Variants in NRXN1 observed in about 807,000 individuals in gnomAD.
NRXN1 encodes the protein neurexin-1.
A neutral mutation model predicts 150.9 loss-of-function variants in NRXN1; 39 were observed. The ratio of observed to expected loss-of-function variants is 0.26; its 90% CI spans 0.20 to 0.34. The LOEUF (loss-of-function observed/expected upper bound fraction) is 0.34, where lower values mean the gene tolerates loss of function less well. Among genes scored for constraint, NRXN1 ranks in the 10% least tolerant of loss-of-function variants. The pLI is 1.00. For synonymous variants in NRXN1, 924 were observed against 757.0 expected, an observed-to-expected ratio of 1.22 and a Z score of -3.62; for missense variants, 1,815 against 1,949.9, an observed-to-expected ratio of 0.93 and a Z score of 1.30.
chr2:50,584,884 G>A (rs987002313), intron 8 of NRXN1, among the ~76,000 whole-genome samples: 1 of 152,188 alleles, frequency 6.6e-6, no homozygotes, highest in Non-Finnish European at 1.5e-5. Context: ...GAAGGTAAAT[G>A]TATCCCATAC....
chr2:50,644,310 A>G (rs1170440327), intron 5 of NRXN1, among the ~76,000 whole-genome samples: 1 of 151,824 alleles, frequency 6.6e-6, no homozygotes, highest in Non-Finnish European at 1.5e-5. Flanking sequence ...TTTATTCTTT[A>G]TATTATTTTT....
At chr2:49,969,876 A>T (rs763656868) in intron 21 of NRXN1, 9 of 152,140 alleles carry the variant, frequency 5.9e-5, no homozygotes, top group Non-Finnish European at 1.0e-4. Flanking sequence ...TAGGCTGTGA[A>T]CTTATGTAAT....
chr2:50,809,502 G>A (rs559600762), intron 5 of NRXN1, among the ~76,000 whole-genome samples: 1 of 152,000 alleles, frequency 6.6e-6, no homozygotes, highest in Non-Finnish European at 1.5e-5. Flanking sequence ...AAATGCTTTT[G>A]TCTTTAATTT....
chr2:50,749,878 C>A (rs1479342920), intron 5 of NRXN1, among the ~76,000 whole-genome samples: 1 of 152,040 alleles, frequency 6.6e-6, no homozygotes, highest in Non-Finnish European at 1.5e-5. Flanking sequence ...ATGGAGATAT[C>A]TTAACTACCC....
At chr2:50,706,687 T>C (rs899556237) in intron 5 of NRXN1, among the ~76,000 whole-genome samples, 9 of 152,128 alleles carry the variant, frequency 5.9e-5, no homozygotes, top group African/African-American at 1.9e-4. Context: ...AACATGTCAA[T>C]TTCATAAGAA....
intron 5 of NRXN1, among the ~76,000 whole-genome samples, chr2:50,628,341 T>C (rs937304095): frequency 5.3e-5 from 8 of 151,728 alleles, no homozygotes; most frequent in African/African-American, 1.9e-4. Context: ...CAAATTTAAG[T>C]AATTCAAATT....
intron 2 of NRXN1, among the ~76,000 whole-genome samples, chr2:50,953,750 G>A (rs1196219303): frequency 5.3e-5 from 8 of 151,802 alleles, no homozygotes; most frequent in Non-Finnish European, 7.4e-5. Flanking sequence ...TAGTAGAGAC[G>A]AAATTTCACC....
intron 5 of NRXN1, among the ~76,000 whole-genome samples, chr2:50,882,072 A>G (rs1394070729): frequency 6.6e-6 from 1 of 151,920 alleles, no homozygotes; most frequent in Non-Finnish European, 1.5e-5. Context: ...AAAAGGATAT[A>G]TTGTCAAAAC....
At chr2:50,249,542 G>A (rs1429329948) in intron 17 of NRXN1, among the ~76,000 whole-genome samples, 1 of 151,918 alleles carries the variant, frequency 6.6e-6, no homozygotes, top group Non-Finnish European at 1.5e-5. Context: ...AAAGCACCAT[G>A]CTAGATCCTG....
chr2:50,574,687 C>A (rs937848045), intron 8 of NRXN1, among the ~76,000 whole-genome samples: 9 of 152,184 alleles, frequency 5.9e-5, no homozygotes, highest in African/African-American at 2.2e-4. Flanking sequence ...GAGAATCATA[C>A]TAAATTAATT....
intron 12 of NRXN1, among the ~76,000 whole-genome samples, chr2:50,520,857 G>C (rs2092768715): frequency 6.6e-6 from 1 of 151,868 alleles, no homozygotes; most frequent in African/African-American, 2.4e-5. Flanking sequence ...GAGAACACCT[G>C]CATTATTTGA....
intron 17 of NRXN1, among the ~76,000 whole-genome samples, chr2:50,380,489 G>A (rs1183435373): frequency 6.6e-6 from 1 of 151,990 alleles, no homozygotes; most frequent in Non-Finnish European, 1.5e-5. Flanking sequence ...GATAATAATA[G>A]TAGAGTGGTT....
At chr2:50,883,683 G>A (rs1679796801) in intron 5 of NRXN1, among the ~76,000 whole-genome samples, 1 of 151,652 alleles carries the variant, frequency 6.6e-6, no homozygotes, top group Non-Finnish European at 1.5e-5. Flanking sequence ...AACATATTTT[G>A]TATTTACAAG....
At chr2:50,572,834 A>G (rs1670855479) in intron 8 of NRXN1, among the ~76,000 whole-genome samples, 1 of 152,194 alleles carries the variant, frequency 6.6e-6, no homozygotes, top group Non-Finnish European at 1.5e-5. Flanking sequence ...AAAACCTACT[A>G]GGTACTAGAA....
At chr2:50,185,386 T>C (rs2152815972) in intron 18 of NRXN1, among the ~76,000 whole-genome samples, 1 of 152,192 alleles carries the variant, frequency 6.6e-6, no homozygotes, top group Non-Finnish European at 1.5e-5. Flanking sequence ...ATTTGTATTG[T>C]ATCTCTTGAA....
At chr2:50,932,115 C>T (rs370641851) in intron 2 of NRXN1, among the ~76,000 whole-genome samples, 21 of 152,136 alleles carry the variant, frequency 1.4e-4, no homozygotes, top group Admixed American at 2.6e-4. Context: ...AGGCTGAGCA[C>T]GGTGGTTCAC....
intron 21 of NRXN1, among the ~76,000 whole-genome samples, chr2:50,020,995 A>G (rs1687481655): frequency 6.6e-6 from 1 of 152,218 alleles, no homozygotes; most frequent in Admixed American, 6.5e-5. Context: ...CAATGGTAAA[A>G]TATATTTCAT....
chr2:50,487,433 T>C (rs10189159), intron 15 of NRXN1, among the ~76,000 whole-genome samples: 50,220 of 152,126 alleles, frequency 0.33, 10,089 homozygotes, highest in Middle Eastern at 0.48. Context: ...GGGACGCTGA[T>C]TGACCTAATG....
intron 8 of NRXN1, among the ~76,000 whole-genome samples, chr2:50,600,249 C>T (rs1174971747): frequency 1.4e-5 from 2 of 147,304 alleles, no homozygotes; most frequent in East Asian, 2.0e-4. Flanking sequence ...TTATGACTTG[C>T]AAAGTTTGCT....
Sources: gnomAD v4.1 joint callset for allele counts (sites outside exome capture counted in the v4.1 genomes callset) on GRCh38, gnomAD v4.1.1 for gene constraint, MANE v1.5 for transcripts, NCBI Gene and HGNC (gene_info 2026-07-23, HGNC 2026-07-21) for gene names.